MGAT5: variants seen among roughly 807,000 people sequenced by gnomAD.
MGAT5 encodes the protein alpha-1,6-mannosylglycoprotein 6-beta-N-acetylglucosaminyltransferase A.
In MGAT5, 30 loss-of-function variants were observed where a neutral mutation model predicts 94.3. The observed-to-expected ratio is 0.32, with a 90% confidence interval of 0.24 to 0.43. The LOEUF is 0.43. MGAT5 is among the 20% of genes least tolerant of loss of function. The pLI is 1.00. For missense variants in MGAT5, 691 were observed against 905.5 expected, an observed-to-expected ratio of 0.76 and a Z score of 3.04; for synonymous variants, 310 against 322.9, an observed-to-expected ratio of 0.96 and a Z score of 0.43.
At chr2:134,169,221 T>A in intron 1 of MGAT5, among the ~76,000 whole-genome samples, 1 of 152,110 alleles carries the variant, frequency 6.6e-6, no homozygotes, top group East Asian at 1.9e-4. Context: ...AAAAATAAAA[T>A]GAAAGGAATA....
chr2:134,441,009 A>G (rs1194801099), intron 14 of MGAT5, among the ~76,000 whole-genome samples: 1 of 152,248 alleles, frequency 6.6e-6, no homozygotes, highest in Non-Finnish European at 1.5e-5. Context: ...CAAGAAATGT[A>G]CCATAGGAAC....
intron 1 of MGAT5, 129 bp downstream of exon 1, chr2:134,254,773 C>A: frequency 7.7e-7 from 1 of 1,292,772 alleles, no homozygotes; most frequent in Non-Finnish European, 1.1e-6. Flanking sequence ...CAGTGAATTG[C>A]ACACAGAGAG....
intron 1 of MGAT5, among the ~76,000 whole-genome samples, chr2:134,218,825 T>C (rs1283637904): frequency 6.6e-6 from 1 of 152,220 alleles, no homozygotes; most frequent in African/African-American, 2.4e-5. Context: ...ATTGGGACTA[T>C]TCATTCGATT....
At chr2:134,270,850 G>A (rs2105637114) in intron 2 of MGAT5, among the ~76,000 whole-genome samples, 1 of 152,290 alleles carries the variant, frequency 6.6e-6, no homozygotes, top group African/African-American at 2.4e-5. Context: ...AAATACAGAG[G>A]TTATTTGAGA....
intron 12 of MGAT5, among the ~76,000 whole-genome samples, chr2:134,420,491 G>A (rs903712900): frequency 6.6e-6 from 1 of 152,198 alleles, no homozygotes; most frequent in East Asian, 1.9e-4. Flanking sequence ...TCACTGCTGG[G>A]CCCAGGGACT....
chr2:134,131,020 C>G (rs191676527), intron 1 of MGAT5, among the ~76,000 whole-genome samples: 3 of 152,308 alleles, frequency 2.0e-5, no homozygotes, highest in African/African-American at 4.8e-5. Context: ...CCTGGGGTCC[C>G]CTTCCATAGT....
chr2:134,333,541 A>G (rs2105966853), intron 4 of MGAT5, among the ~76,000 whole-genome samples: 1 of 152,076 alleles, frequency 6.6e-6, no homozygotes, highest in Middle Eastern at 3.4e-3. Context: ...ATATGTACCT[A>G]ACCTGCACAT....
At chr2:134,302,032 C>T (rs554299569) in intron 2 of MGAT5, among the ~76,000 whole-genome samples, 11 of 152,198 alleles carry the variant, frequency 7.2e-5, no homozygotes, top group South Asian at 6.2e-4. Context: ...TATGTAAAGC[C>T]GGACTTTTTA....
At chr2:134,367,328 A>G (rs1680494972) in intron 10 of MGAT5, among the ~76,000 whole-genome samples, 1 of 152,252 alleles carries the variant, frequency 6.6e-6, no homozygotes, top group African/African-American at 2.4e-5. Context: ...AATGGAAAAT[A>G]TAAGCCTGTC....
At chr2:134,395,157 A>C (rs969419831) in intron 10 of MGAT5, among the ~76,000 whole-genome samples, 1 of 152,214 alleles carries the variant, frequency 6.6e-6, no homozygotes, top group African/African-American at 2.4e-5. Flanking sequence ...TAGATGAAGG[A>C]ACATCATTAT....
chr2:134,398,869 C>T (rs1682868592), intron 10 of MGAT5, among the ~76,000 whole-genome samples: 2 of 152,114 alleles, frequency 1.3e-5, no homozygotes, highest in Non-Finnish European at 2.9e-5. Context: ...AAAGGTGGCC[C>T]TCATGGAGGT....
intron 2 of MGAT5, among the ~76,000 whole-genome samples, chr2:134,275,578 CTTTTTTTTTTT>C (rs11409592): frequency 5.0e-5 from 4 of 79,594 alleles, no homozygotes; most frequent in African/African-American, 2.3e-4. Flanking sequence ...GTGCTATTTC[CTTTTTTTTTTT>C]TTTTTTTTTT....
intron 1 of MGAT5, among the ~76,000 whole-genome samples, chr2:134,240,936 C>T (rs975471778): frequency 6.6e-6 from 1 of 152,200 alleles, no homozygotes; most frequent in Non-Finnish European, 1.5e-5. Context: ...TAAAAATAAA[C>T]TTTCAAGGTA....
intron 2 of MGAT5, among the ~76,000 whole-genome samples, chr2:134,279,641 G>A (rs1425976898): frequency 1.3e-5 from 2 of 152,322 alleles, no homozygotes; most frequent in East Asian, 3.9e-4. Context: ...CTGTCCTGGG[G>A]ACCTTGAAAG....
chr2:134,223,718 T>C (rs1363078815), intron 1 of MGAT5, among the ~76,000 whole-genome samples: 1 of 152,200 alleles, frequency 6.6e-6, no homozygotes, highest in Non-Finnish European at 1.5e-5. Context: ...CCAATTTATG[T>C]GCAAGGTTAG....
At chr2:134,170,392 C>T (rs964182297) in intron 1 of MGAT5, among the ~76,000 whole-genome samples, 8 of 152,160 alleles carry the variant, frequency 5.3e-5, no homozygotes, top group Non-Finnish European at 1.0e-4. Flanking sequence ...TTTATTGAGC[C>T]CAGACTGTTT....
chr2:134,328,221 AC>A (rs747541040), intron 4 of MGAT5, among the ~76,000 whole-genome samples: 28 of 151,674 alleles, frequency 1.8e-4, no homozygotes, highest in Admixed American at 1.4e-3. Context: ...TAAATTCTGC[AC>A]CCCCCCTCAC....
intron 1 of MGAT5, among the ~76,000 whole-genome samples, chr2:134,165,156 A>C (rs1387317225): frequency 2.0e-5 from 3 of 152,188 alleles, no homozygotes; most frequent in Admixed American, 6.6e-5. Context: ...TGAAATCTTA[A>C]AATTTTCTTT....
chr2:134,354,428 A>G (rs1459570200), intron 9 of MGAT5, among the ~76,000 whole-genome samples: 1 of 152,192 alleles, frequency 6.6e-6, no homozygotes, highest in Non-Finnish European at 1.5e-5. Flanking sequence ...GAAGATAAAG[A>G]AAAATACACC....
Sources: allele counts gnomAD v4.1 joint callset (sites outside exome capture counted in the v4.1 genomes callset), GRCh38; gene constraint gnomAD v4.1.1; transcripts MANE v1.5; gene names NCBI Gene and HGNC (gene_info 2026-07-23, HGNC 2026-07-21).